MAGI3: variants seen among roughly 807,000 people sequenced by gnomAD.
The protein encoded by MAGI3 is membrane associated guanylate kinase, WW and PDZ domain containing 3, also known as membrane-associated guanylate kinase, WW and PDZ domain-containing protein 3.
Under a neutral mutation model 121.8 loss-of-function variants are expected in MAGI3, and 43 were observed. The observed-to-expected ratio is 0.35, with a 90% confidence interval of 0.28 to 0.46. MAGI3 has a LOEUF of 0.46. Ranked by LOEUF, MAGI3 falls within the 20% of genes least tolerant of loss-of-function variation. MAGI3 has a pLI of 1.00. For missense variants in MAGI3, 1,547 were observed against 1,797.3 expected, an observed-to-expected ratio of 0.86 and a Z score of 2.52; for synonymous variants, 553 against 639.3, an observed-to-expected ratio of 0.86 and a Z score of 2.04.
intron 16 of MAGI3, among the ~76,000 whole-genome samples, chr1:113,670,238 C>T (rs1355579056): frequency 6.6e-6 from 1 of 152,192 alleles, no homozygotes; most frequent in Non-Finnish European, 1.5e-5. Flanking sequence ...CCATTTCTTC[C>T]TCCTGCCACT....
intron 9 of MAGI3, among the ~76,000 whole-genome samples, chr1:113,630,300 C>A (rs576953533): frequency 6.6e-6 from 1 of 152,244 alleles, no homozygotes; most frequent in East Asian, 1.9e-4. Context: ...CACAAAGGCT[C>A]TTCAGTCAGC....
chr1:113,577,082 T>C (rs1390959652), intron 2 of MAGI3, among the ~76,000 whole-genome samples: 1 of 152,046 alleles, frequency 6.6e-6, no homozygotes, highest in Non-Finnish European at 1.5e-5. Flanking sequence ...GGAAAGGAAA[T>C]CATCACAGAT....
At chr1:113,505,553 A>AATAAATAAATAAATAT (rs1051747568) in intron 1 of MAGI3, among the ~76,000 whole-genome samples, 35 of 148,662 alleles carry the variant, frequency 2.4e-4, no homozygotes, top group Middle Eastern at 3.5e-3. Flanking sequence ...TAAATAAATA[A>AATAAATAAATAAATAT]ATATATAATG....
chr1:113,608,886 A>T (rs1649953172), intron 6 of MAGI3, among the ~76,000 whole-genome samples: 1 of 152,150 alleles, frequency 6.6e-6, no homozygotes, highest in Non-Finnish European at 1.5e-5. Flanking sequence ...CAACATAATT[A>T]TTAATAGTAT....
At chr1:113,582,921 C>T (rs1342085781) in intron 3 of MAGI3, among the ~76,000 whole-genome samples, 2 of 151,436 alleles carry the variant, frequency 1.3e-5, no homozygotes, top group Non-Finnish European at 2.9e-5. Context: ...ATACTACAGT[C>T]TGTAATTTTA....
intron 15 of MAGI3, among the ~76,000 whole-genome samples, chr1:113,655,968 T>C (rs963870237): frequency 1.2e-4 from 18 of 152,212 alleles, no homozygotes; most frequent in African/African-American, 4.3e-4. Flanking sequence ...AAAAAACTTT[T>C]AAAAGTTCAT....
At chr1:113,609,187 AT>A (rs745627302) in intron 6 of MAGI3, among the ~76,000 whole-genome samples, 3 of 152,142 alleles carry the variant, frequency 2.0e-5, no homozygotes, top group Non-Finnish European at 4.4e-5. Context: ...ACGGAAGACT[AT>A]TTTCAGGATG....
rs532152699 is a variant in MAGI3 at position 113,586,741 on chromosome 1, C to G, written c.763+1145C>G. 2.0e-5 allele frequency among the ~76,000 whole-genome samples: 3 copies of G among 152,250 alleles called. No individual in the cohort carries two copies. The East Asian group carries it at 5.8e-4, about 29-fold the overall frequency. On this transcript the variant is annotated intron_variant, in intron 4 of 20. Coordinates refer to ENST00000307546, the MANE Select transcript of MAGI3 (RefSeq NM_001142782.2). The stretch of plus-strand genomic sequence containing the variant: ...AATGCTAAACAGTAGGATTGGAGAC[C>G]ATGAATCTTTCCCAATATGGGAATT...
At position 113,432,073 on chromosome 1, in the gene MAGI3, A is replaced by G. The variant is rs565583616; in HGVS notation, c.316+40724A>G. On this transcript the variant is annotated intron_variant, in intron 1 of 20. Coordinates refer to ENST00000307546, the MANE Select transcript of MAGI3 (RefSeq NM_001142782.2). Reference sequence around the variant, plus strand: ...TGGAAACTTAATGTATGTCAGAGTGACACTGCAAGTTTGTGGAAAAAGAAT... The same window carrying G: ...TGGAAACTTAATGTATGTCAGAGTGGCACTGCAAGTTTGTGGAAAAAGAAT... 7.7e-4 allele frequency among the ~76,000 whole-genome samples: 118 copies of G among 152,316 alleles called. 1 individual carries two copies. Among genetic ancestry groups the G allele is most frequent in the Admixed American group, 7.3e-3 (111 of 15,284 alleles).
chr1:113,408,181 A>G (rs1391038901), intron 1 of MAGI3, among the ~76,000 whole-genome samples: 2 of 152,110 alleles, frequency 1.3e-5, no homozygotes, highest in Admixed American at 6.6e-5. Context: ...TTCTGTGTCA[A>G]TTTTCTGAAA....
At chr1:113,457,785 T>C (rs1313267082) in intron 1 of MAGI3, among the ~76,000 whole-genome samples, 1 of 152,164 alleles carries the variant, frequency 6.6e-6, no homozygotes, top group Non-Finnish European at 1.5e-5. Flanking sequence ...AATGGCATAC[T>C]GTATGGCAAG....
At chr1:113,461,513 C>T (rs1200261855) in intron 1 of MAGI3, among the ~76,000 whole-genome samples, 1 of 152,180 alleles carries the variant, frequency 6.6e-6, no homozygotes, top group Non-Finnish European at 1.5e-5. Flanking sequence ...GGATAACTGG[C>T]TAGCCATATG....
chr1:113,411,972 C>A (rs1422929681), intron 1 of MAGI3, among the ~76,000 whole-genome samples: 2 of 151,076 alleles, frequency 1.3e-5, no homozygotes, highest in East Asian at 3.9e-4. Context: ...TTTGTTGCAC[C>A]CATCAACTCG....
intron 1 of MAGI3, among the ~76,000 whole-genome samples, chr1:113,544,905 T>TAAAC (rs148776978): frequency 6.6e-6 from 1 of 152,110 alleles, no homozygotes; most frequent in Admixed American, 6.5e-5. Context: ...CAGAGGAAAT[T>TAAAC]AAACAAACAA....
intron 9 of MAGI3, among the ~76,000 whole-genome samples, chr1:113,633,863 G>A (rs974700393): frequency 6.6e-6 from 1 of 152,216 alleles, no homozygotes; most frequent in African/African-American, 2.4e-5. Flanking sequence ...TGGTGTAAAA[G>A]TGGTCCTATT....
intron 17 of MAGI3, 24 bp downstream of exon 17, chr1:113,671,860 T>G (rs201549373): frequency 6.2e-7 from 1 of 1,604,316 alleles, no homozygotes; most frequent in Middle Eastern, 1.7e-4. Context: ...CAGGTTTTTG[T>G]TTTTGTTTTT....
At chr1:113,645,817 C>T (rs577553958) in intron 11 of MAGI3, among the ~76,000 whole-genome samples, 1 of 152,296 alleles carries the variant, frequency 6.6e-6, no homozygotes, top group African/African-American at 2.4e-5. Context: ...TATTGGATTT[C>T]ATTGTTAACA....
Position 113,658,632 on chromosome 1 carries a change from G to A in MAGI3, c.2630-448G>A, listed in dbSNP as rs1653607980. Reference sequence around the variant, plus strand: ...TGCATTTATTTACAAGGTTCCTTATGGGAGCAAGTGTCCCTTTAACAGAAG... The same window carrying A: ...TGCATTTATTTACAAGGTTCCTTATAGGAGCAAGTGTCCCTTTAACAGAAG... On this transcript the variant is annotated intron_variant, in intron 15 of 20. Transcript: ENST00000307546. The surrounding 1 kb of genome is among the most constrained non-coding windows in gnomAD (Gnocchi z 4.0). Among the ~76,000 whole-genome samples, 1 of 152,154 alleles carries A rather than the reference G, an allele frequency of 6.6e-6. No homozygotes were observed. The highest frequency in any genetic ancestry group is 1.9e-4 in the East Asian group (1 of 5,194).
chr1:113,482,115 A>T (rs1407241968), intron 1 of MAGI3, among the ~76,000 whole-genome samples: 4 of 152,080 alleles, frequency 2.6e-5, no homozygotes, highest in Non-Finnish European at 5.9e-5. Context: ...ACTATAAGAT[A>T]AAAACTGTGA....
Sources: allele counts gnomAD v4.1 joint callset (sites outside exome capture counted in the v4.1 genomes callset), GRCh38; gene constraint gnomAD v4.1.1; non-coding constraint Gnocchi (gnomAD v3.1); transcripts MANE v1.5; gene names NCBI Gene and HGNC (gene_info 2026-07-23, HGNC 2026-07-21).